Variants in ADPGK observed in about 807,000 individuals in gnomAD.
The protein encoded by ADPGK is ADP-dependent glucokinase.
ADPGK carries 26 observed loss-of-function variants against 42.4 expected under a neutral mutation model. The observed-to-expected ratio is 0.61, with a 90% CI of 0.45 to 0.85. The LOEUF (loss-of-function observed/expected upper bound fraction) is 0.85, where lower values mean the gene tolerates loss of function less well. Ranked by LOEUF, ADPGK falls within the 40% of genes least tolerant of loss-of-function variation. The pLI is 0.00. For synonymous variants in ADPGK, 267 were observed against 252.6 expected (o/e 1.06, Z -0.54); for missense variants, 571 against 627.0 (o/e 0.91, Z 0.95).
chr15:72,777,677 C>CAA (rs763653663), intron 1 of ADPGK, among the ~76,000 whole-genome samples: 1 of 151,730 alleles, frequency 6.6e-6, no homozygotes, highest in Non-Finnish European at 1.5e-5. Context: ...GACTCCATCT[C>CAA]AAAAACAAAA....
intron 2 of ADPGK, among the ~76,000 whole-genome samples, chr15:72,773,592 GTAAAAA>G (rs1397957465): frequency 1.3e-5 from 2 of 152,140 alleles, no homozygotes; most frequent in African/African-American, 2.4e-5. Flanking sequence ...TCAAGTTGCT[GTAAAAA>G]TTTTTTTCAT....
At chr15:72,760,233 T>G in intron 4 of ADPGK, 174 bp downstream of exon 4, 6 of 727,390 alleles carry the variant, frequency 8.2e-6, no homozygotes, top group Non-Finnish European at 1.2e-5. Flanking sequence ...CAGTCTCCCT[T>G]GAGACAACGG....
chr15:72,767,178 T>G (rs2066271039), intron 3 of ADPGK, among the ~76,000 whole-genome samples: 1 of 152,118 alleles, frequency 6.6e-6, no homozygotes. Flanking sequence ...CAAAGAATAT[T>G]ATGAAATGAT....
chr15:72,775,706 C>A (rs979074963), intron 1 of ADPGK, among the ~76,000 whole-genome samples: 2 of 152,154 alleles, frequency 1.3e-5, no homozygotes. Flanking sequence ...TGAAACCCTG[C>A]CTCTTAGAAT....
chr15:72,762,019 G>A (rs1400631058), intron 3 of ADPGK, among the ~76,000 whole-genome samples: 14 of 152,126 alleles, frequency 9.2e-5, no homozygotes, highest in African/African-American at 2.2e-4. Context: ...TTACAGGCGC[G>A]TGCCACCAGG....
chr15:72,758,515 C>T (rs2066146289), intron 4 of ADPGK: 1 of 288,568 alleles, frequency 3.5e-6, no homozygotes, highest in Non-Finnish European at 6.8e-6. Context: ...AGAGCTGAGC[C>T]CAGGGCTACT....
At chr15:72,758,033 A>G (rs1041387463) in intron 4 of ADPGK, 5 of 1,577,774 alleles carry the variant, frequency 3.2e-6, no homozygotes, top group Non-Finnish European at 4.3e-6. Flanking sequence ...CCACCAGCTG[A>G]GATCTGTGAA....
At position 72,783,619 on chromosome 15, in the gene ADPGK, G is replaced by A; in HGVS notation, c.73C>T (p.Pro25Ser). 6.6e-7 allele frequency: 1 copy of A among 1,515,376 alleles called. No homozygotes were observed. Among genetic ancestry groups the A allele is most frequent in the Non-Finnish European group, 8.8e-7 (1 of 1,139,718 alleles). The allele number at this position is 1,515,376 out of a possible 1,614,324, so 93.9% of individuals were successfully genotyped here. A position where few individuals can be genotyped will look rare whatever the true frequency, so the allele number is the denominator to read the frequency against. Residue 25 changes from proline to serine, a missense_variant, in exon 1 of 7, where the codon CCA becomes TCA. By Grantham distance (74) the Pro-to-Ser change is moderately conservative. Coordinates refer to ENST00000456471, the MANE Select transcript of ADPGK (RefSeq NM_001365225.1). ...LAVGCVFLLE[P>S]ELPGSALRSL... ...CGCAGCGCCGAGCCTGGCAGCTCTGGCTCCAGCAGGAAGACGCAGCCCACG... is the reference window on the plus strand; with the variant it reads ...CGCAGCGCCGAGCCTGGCAGCTCTGACTCCAGCAGGAAGACGCAGCCCACG...
intron 1 of ADPGK, among the ~76,000 whole-genome samples, chr15:72,779,270 T>TA (rs1416867400): frequency 8.4e-6 from 1 of 119,704 alleles, no homozygotes; most frequent in Admixed American, 1.0e-4. Context: ...TTTTTTGAGA[T>TA]AGAGTCTCAC....
chr15:72,763,466 G>C (rs531214995), intron 3 of ADPGK, among the ~76,000 whole-genome samples: 1 of 151,924 alleles, frequency 6.6e-6, no homozygotes, highest in South Asian at 2.1e-4. Context: ...GATTACAGGC[G>C]TGAGCCACCA....
At chr15:72,759,275 A>G (rs990067601) in intron 4 of ADPGK, among the ~76,000 whole-genome samples, 2 of 152,154 alleles carry the variant, frequency 1.3e-5, no homozygotes, top group Admixed American at 1.3e-4. Flanking sequence ...ATGTTTCCGC[A>G]CACCAACCAA....
Position 72,753,037 on chromosome 15 carries a change from C to T in ADPGK, c.940-142G>A. On this transcript the variant is annotated intron_variant, in intron 6 of 6. Coordinates refer to ENST00000456471, the MANE Select transcript of ADPGK (RefSeq NM_001365225.1). Reference sequence around the variant, plus strand: ...ATACAGGACTCCCTGGCCCTGAAGTCACTGTTTTAGCTATCACACCCCTAT... The same window carrying T: ...ATACAGGACTCCCTGGCCCTGAAGTTACTGTTTTAGCTATCACACCCCTAT... 3.8e-6 allele frequency: 3 copies of T among 799,808 alleles called. No individual in the cohort carries two copies. In the South Asian group the frequency reaches 5.8e-5, roughly 15 times the overall value. The allele number at this position is 799,808 out of a possible 1,614,324, so 49.5% of individuals were successfully genotyped here. A position where few individuals can be genotyped will look rare whatever the true frequency, so the allele number is the denominator to read the frequency against.
chr15:72,761,431 G>A (rs2066191690), intron 3 of ADPGK, among the ~76,000 whole-genome samples: 1 of 152,188 alleles, frequency 6.6e-6, no homozygotes, highest in African/African-American at 2.4e-5. Context: ...TTTCCAATAT[G>A]AGAATTAAAG....
chr15:72,760,059 A>T (rs1181165677), intron 4 of ADPGK, among the ~76,000 whole-genome samples: 2 of 152,222 alleles, frequency 1.3e-5, no homozygotes, highest in Non-Finnish European at 2.9e-5. Context: ...AATGGATGCT[A>T]CCTGCCTTTC....
chr15:72,782,670 A>G (rs573506735), intron 1 of ADPGK, among the ~76,000 whole-genome samples: 1 of 152,226 alleles, frequency 6.6e-6, no homozygotes, highest in South Asian at 2.1e-4. Flanking sequence ...CCCGGCCCCA[A>G]CACTCCACAG....
At chr15:72,761,468 G>C (rs537904491) in intron 3 of ADPGK, among the ~76,000 whole-genome samples, 1 of 152,298 alleles carries the variant, frequency 6.6e-6, no homozygotes, top group Non-Finnish European at 1.5e-5. Context: ...GACTTCAGGG[G>C]AAGGTGCTCT....
chr15:72,762,712 T>C (rs1484195596), intron 3 of ADPGK, among the ~76,000 whole-genome samples: 1 of 152,222 alleles, frequency 6.6e-6, no homozygotes, highest in Non-Finnish European at 1.5e-5. Context: ...CCAGGTGTGG[T>C]GGCTCATGCC....
rs371642594 is a variant in ADPGK, at chr15:72,778,682, C to T, written c.234-3585G>A. On this transcript the variant is annotated intron_variant, in intron 1 of 6. Coordinates refer to ENST00000456471, the MANE Select transcript of ADPGK (RefSeq NM_001365225.1). ...AGGCAAAGACGATGTTTCCTATCTCCTCCCTTCTGTTTCATCACCTGTAAA... is the reference window on the plus strand; with the variant it reads ...AGGCAAAGACGATGTTTCCTATCTCTTCCCTTCTGTTTCATCACCTGTAAA... Among the ~76,000 whole-genome samples, 9 of 152,312 alleles carry T rather than the reference C, an allele frequency of 5.9e-5. No homozygotes were observed. The South Asian group carries it at 1.4e-3, about 25-fold the overall frequency.
chr15:72,754,109 AC>A (rs1272935632), intron 6 of ADPGK, among the ~76,000 whole-genome samples: 30 of 151,724 alleles, frequency 2.0e-4, no homozygotes, highest in African/African-American at 7.3e-4. Flanking sequence ...AAAAAAAAAA[AC>A]AAAACCAACG....
Sources: gnomAD v4.1 joint callset for allele counts (sites outside exome capture counted in the v4.1 genomes callset) on GRCh38, gnomAD v4.1.1 for gene constraint, MANE v1.5 for transcripts, NCBI Gene and HGNC (gene_info 2026-07-23, HGNC 2026-07-21) for gene names.